The following EPB41L4B variants were observed in gnomAD, a reference collection of about 807,000 sequenced individuals.
EPB41L4B encodes the protein erythrocyte membrane protein band 4.1 like 4B.
In EPB41L4B, 30 loss-of-function variants were observed where a neutral mutation model predicts 112.5. The ratio of observed to expected loss-of-function variants is 0.27; its 90% CI spans 0.20 to 0.36. The LOEUF (loss-of-function observed/expected upper bound fraction) is 0.36, where lower values mean the gene tolerates loss of function less well. EPB41L4B is among the 10% of genes least tolerant of loss of function. EPB41L4B has a pLI of 1.00. For synonymous variants in EPB41L4B, 408 were observed against 439.7 expected, an observed-to-expected ratio of 0.93 and a Z score of 0.90; for missense variants, 1,024 against 1,133.3, an observed-to-expected ratio of 0.90 and a Z score of 1.38.
chr9:109,276,151 G>GTA (rs1467695440), intron 2 of EPB41L4B, among the ~76,000 whole-genome samples: 1 of 132,030 alleles, frequency 7.6e-6, no homozygotes, highest in Non-Finnish European at 1.6e-5. Flanking sequence ...ATACGTGTGT[G>GTA]TATACACACA....
chr9:109,271,510 A>C (rs560618473), intron 2 of EPB41L4B, among the ~76,000 whole-genome samples: 3 of 152,340 alleles, frequency 2.0e-5, no homozygotes, highest in East Asian at 3.9e-4. Flanking sequence ...TCTTAGCTGC[A>C]GGGGCCTTCC....
chr9:109,309,901 G>A (rs956966274), intron 1 of EPB41L4B, among the ~76,000 whole-genome samples: 4 of 152,196 alleles, frequency 2.6e-5, no homozygotes, highest in African/African-American at 9.7e-5. Context: ...AGCTGACAAT[G>A]CCAAGTGTTG....
intron 23 of EPB41L4B, among the ~76,000 whole-genome samples, chr9:109,184,341 T>C (rs1379362868): frequency 6.6e-5 from 10 of 152,340 alleles, no homozygotes; most frequent in Admixed American, 5.2e-4. Context: ...TGCCTCAGCC[T>C]TCTGAGTAGC....
At position 109,192,266 on chromosome 9, in the gene EPB41L4B, T is replaced by C. The variant is rs770851794; in HGVS notation, c.2301+12A>G. The C allele has an allele frequency of 3.2e-5, 51 of 1,600,060 alleles. No individual in the cohort carries two copies. Among genetic ancestry groups the C allele is most frequent in the Middle Eastern group, 1.7e-4 (1 of 6,008 alleles). ...TGTGACTTTTCTGGTTTTAGCAAAATAGGAAGTTTACCAGAGGAGTGGCTT... is the reference window on the plus strand; with the variant it reads ...TGTGACTTTTCTGGTTTTAGCAAAACAGGAAGTTTACCAGAGGAGTGGCTT... On this transcript the variant is annotated intron_variant, in intron 22 of 25. Coordinates refer to ENST00000374566, the MANE Select transcript of EPB41L4B (RefSeq NM_019114.5).
intron 13 of EPB41L4B, among the ~76,000 whole-genome samples, chr9:109,249,160 G>A (rs956849666): frequency 6.6e-6 from 1 of 151,608 alleles, no homozygotes; most frequent in Non-Finnish European, 1.5e-5. Context: ...GTTATTGCTG[G>A]CTTCTCCAAC....
chr9:109,194,595 T>A (rs1013008154), intron 20 of EPB41L4B, among the ~76,000 whole-genome samples, 198 bp from the exon 21 acceptor site: 1 of 151,068 alleles, frequency 6.6e-6, no homozygotes. Flanking sequence ...GAATTTTCTG[T>A]CATTTGCCAG....
chr9:109,192,133 C>T (rs529924473), intron 22 of EPB41L4B, 145 bp downstream of exon 22: 92 of 678,554 alleles, frequency 1.4e-4, no homozygotes, highest in Middle Eastern at 6.2e-4. Context: ...AGTGCCTGAC[C>T]CCTGGATGAA....
intron 1 of EPB41L4B, among the ~76,000 whole-genome samples, chr9:109,314,640 C>A (rs1261052136): frequency 2.3e-5 from 3 of 131,212 alleles, no homozygotes; most frequent in East Asian, 4.5e-4. Flanking sequence ...TCTCACCCCC[C>A]CCCACCTCAG....
At chr9:109,304,973 A>G (rs901115352) in intron 1 of EPB41L4B, among the ~76,000 whole-genome samples, 1 of 152,146 alleles carries the variant, frequency 6.6e-6, no homozygotes, top group Non-Finnish European at 1.5e-5. Flanking sequence ...TGGTTTCTCA[A>G]CAATGTCAGC....
chr9:109,318,047 G>A (rs1011738450), intron 1 of EPB41L4B, among the ~76,000 whole-genome samples: 2 of 152,174 alleles, frequency 1.3e-5, no homozygotes, highest in Non-Finnish European at 2.9e-5. Flanking sequence ...TTAAATCGAT[G>A]AGCTGTGCCC....
chr9:109,273,716 C>A (rs1835711288), intron 2 of EPB41L4B, among the ~76,000 whole-genome samples: 1 of 152,196 alleles, frequency 6.6e-6, no homozygotes, highest in Non-Finnish European at 1.5e-5. Context: ...TCAGTTTCAG[C>A]CCCTGTGAAC....
At chr9:109,250,249 G>A (rs2119002567) in intron 13 of EPB41L4B, among the ~76,000 whole-genome samples, 1 of 152,352 alleles carries the variant, frequency 6.6e-6, no homozygotes. Flanking sequence ...TAAGTCTCCA[G>A]AGCTGGGTTA....
intron 24 of EPB41L4B, among the ~76,000 whole-genome samples, chr9:109,180,584 G>A (rs1832019529): frequency 6.6e-6 from 1 of 152,192 alleles, no homozygotes; most frequent in Non-Finnish European, 1.5e-5. Context: ...CCCTCCGCCT[G>A]CCCTGCTGGA....
chr9:109,206,874 C>T (rs1413072703), intron 18 of EPB41L4B, among the ~76,000 whole-genome samples: 1 of 152,252 alleles, frequency 6.6e-6, no homozygotes. Flanking sequence ...CTGCTTCCTG[C>T]TCCTGCGAGT....
Position 109,281,713 on chromosome 9 carries a change from TAAATA to T in EPB41L4B, c.307-1797_307-1793del, listed in dbSNP as rs1325955167. 8.6e-3 allele frequency among the ~76,000 whole-genome samples: 1,134 copies of T among 131,404 alleles called. 16 individuals carry two copies. Among genetic ancestry groups the T allele is most frequent in the East Asian group, 0.039 (182 of 4,724 alleles). The allele number at this position is 131,404 out of a possible 152,430, so 86.2% of individuals were successfully genotyped here. A position where few individuals can be genotyped will look rare whatever the true frequency, so the allele number is the denominator to read the frequency against. On this transcript the variant is annotated intron_variant, in intron 1 of 25. Transcript: ENST00000374566. ...ATAAATAAATAAATAAATAAATAAA[TAAATA>T]AATAAATTAATTAATTAATTTTAAA... is the stretch of plus-strand genomic sequence containing the variant.
chr9:109,281,508 G>T (rs536499205), intron 1 of EPB41L4B, among the ~76,000 whole-genome samples: 1 of 152,214 alleles, frequency 6.6e-6, no homozygotes, highest in East Asian at 1.9e-4. Context: ...TTCAAGACCA[G>T]CCTGGCCAAC....
chr9:109,251,405 A>G (rs1220757060), intron 13 of EPB41L4B, 76 bp downstream of exon 13: 1 of 1,408,582 alleles, frequency 7.1e-7, no homozygotes, highest in East Asian at 2.3e-5. Flanking sequence ...TCACTGTAGT[A>G]AGGAAAAAGT....
intron 17 of EPB41L4B, among the ~76,000 whole-genome samples, chr9:109,210,284 A>C (rs1211899584): frequency 6.6e-6 from 1 of 152,216 alleles, no homozygotes; most frequent in Non-Finnish European, 1.5e-5. Flanking sequence ...CCTTAAGATA[A>C]TTTATCTTGT....
chr9:109,273,203 T>G (rs1835691484), intron 2 of EPB41L4B, among the ~76,000 whole-genome samples: 2 of 151,504 alleles, frequency 1.3e-5, no homozygotes, highest in Admixed American at 6.6e-5. Context: ...TCGGCCTGCC[T>G]CCCAGCATTC....
Sources: allele counts gnomAD v4.1 joint callset (sites outside exome capture counted in the v4.1 genomes callset), GRCh38; gene constraint gnomAD v4.1.1; transcripts MANE v1.5; gene names NCBI Gene and HGNC (gene_info 2026-07-23, HGNC 2026-07-21).